The following PTPRM variants were observed in gnomAD, a reference collection of about 807,000 sequenced individuals.
PTPRM encodes the protein receptor-type tyrosine-protein phosphatase mu.
PTPRM carries 47 observed loss-of-function variants against 186.7 expected under a neutral mutation model. The ratio of observed to expected loss-of-function variants is 0.25; its 90% CI spans 0.20 to 0.32. The LOEUF (loss-of-function observed/expected upper bound fraction) is 0.32. Among genes scored for constraint, PTPRM ranks in the 10% least tolerant of loss-of-function variants. The probability of loss-of-function intolerance (pLI) is 1.00; values close to 1 mark genes in which losing one functional copy is unlikely to be tolerated. For missense variants in PTPRM, 1,494 were observed against 1,865.0 expected, an observed-to-expected ratio of 0.80 and a Z score of 3.66; for synonymous variants, 668 against 674.9, an observed-to-expected ratio of 0.99 and a Z score of 0.16.
chr18:7,804,991 C>A (rs2044161417), intron 2 of PTPRM, among the ~76,000 whole-genome samples: 1 of 152,184 alleles, frequency 6.6e-6, no homozygotes. Context: ...TTTAAGGGTA[C>A]AATTTCAGAT....
intron 9 of PTPRM, among the ~76,000 whole-genome samples, chr18:8,081,486 T>G (rs766171820): frequency 2.6e-4 from 40 of 152,238 alleles, no homozygotes; most frequent in Non-Finnish European, 4.8e-4. Flanking sequence ...TGTAGTTTGC[T>G]GCTGTACTGA....
intron 14 of PTPRM, among the ~76,000 whole-genome samples, chr18:8,242,131 G>C (rs1197598345): frequency 6.6e-6 from 1 of 152,052 alleles, no homozygotes; most frequent in Non-Finnish European, 1.5e-5. Flanking sequence ...AGCAAGAAAA[G>C]GCAAAGAGGA....
intron 7 of PTPRM, among the ~76,000 whole-genome samples, chr18:8,021,317 GACACACACAC>G (rs35335855): frequency 0.042 from 6,018 of 142,936 alleles, 304 homozygotes; most frequent in African/African-American, 0.13. Flanking sequence ...GCATAAAAGA[GACACACACAC>G]ACACACACAC....
chr18:8,322,483 G>C (rs2095351807), intron 22 of PTPRM, among the ~76,000 whole-genome samples: 1 of 152,154 alleles, frequency 6.6e-6, no homozygotes, highest in African/African-American at 2.4e-5. Context: ...CATCATGTCT[G>C]ACTGACCAGA....
intron 19 of PTPRM, among the ~76,000 whole-genome samples, chr18:8,254,366 A>G (rs73939413): frequency 0.03 from 4,598 of 152,344 alleles, 229 homozygotes; most frequent in African/African-American, 0.1. Context: ...AATTCAAAGA[A>G]GCATGCCATC....
chr18:8,110,303 G>A (rs1014708104), intron 11 of PTPRM, among the ~76,000 whole-genome samples: 8 of 152,198 alleles, frequency 5.3e-5, no homozygotes, highest in African/African-American at 1.7e-4. Flanking sequence ...AGCAGAGCAA[G>A]AGAACATGAA....
chr18:7,915,140 G>T (rs1289676888), intron 4 of PTPRM, among the ~76,000 whole-genome samples: 1 of 152,082 alleles, frequency 6.6e-6, no homozygotes. Context: ...AGGCTTATTT[G>T]AGATCAATTA....
intron 32 of PTPRM, chr18:8,403,235 C>T (rs1012907763): frequency 6.6e-6 from 1 of 152,166 alleles, no homozygotes; most frequent in African/African-American, 2.4e-5. Flanking sequence ...GAGTCCTTCA[C>T]AGACATTAAA....
chr18:8,048,683 C>T (rs907033329), intron 7 of PTPRM, among the ~76,000 whole-genome samples: 4 of 151,814 alleles, frequency 2.6e-5, no homozygotes, highest in East Asian at 3.9e-4. Flanking sequence ...AAACCATTTG[C>T]GTAGACTTGT....
intron 2 of PTPRM, among the ~76,000 whole-genome samples, chr18:7,834,264 C>T (rs1243171514): frequency 6.6e-6 from 1 of 151,686 alleles, no homozygotes; most frequent in Non-Finnish European, 1.5e-5. Context: ...CCTTGCATCC[C>T]ATGGATAAAG....
chr18:8,327,959 T>A (rs942263784), intron 22 of PTPRM, among the ~76,000 whole-genome samples: 4 of 152,168 alleles, frequency 2.6e-5, no homozygotes, highest in Non-Finnish European at 5.9e-5. Flanking sequence ...AGGAACAAAC[T>A]TTTATGTGAA....
intron 13 of PTPRM, among the ~76,000 whole-genome samples, chr18:8,138,024 G>A (rs1450139969): frequency 1.3e-5 from 2 of 152,118 alleles, no homozygotes; most frequent in African/African-American, 4.8e-5. Flanking sequence ...CTGCTAATTC[G>A]GAGGCTGTGG....
chr18:8,154,995 A>C (rs1309974800), intron 14 of PTPRM: 3 of 152,172 alleles, frequency 2.0e-5, no homozygotes, highest in African/African-American at 4.8e-5. Flanking sequence ...TAAAGATTTG[A>C]CATTTTGATG....
At chr18:7,796,533 G>T (rs1245606125) in intron 2 of PTPRM, among the ~76,000 whole-genome samples, 1 of 152,280 alleles carries the variant, frequency 6.6e-6, no homozygotes, top group Admixed American at 6.5e-5. Flanking sequence ...GGTCTGAGCA[G>T]GGTACAGCAG....
At chr18:8,093,701 T>C (rs2090874020) in intron 11 of PTPRM, among the ~76,000 whole-genome samples, 1 of 152,138 alleles carries the variant, frequency 6.6e-6, no homozygotes, top group South Asian at 2.1e-4. Context: ...TCCCTATTGA[T>C]CCCTGAATCA....
intron 1 of PTPRM, among the ~76,000 whole-genome samples, chr18:7,764,492 A>G (rs2041927599): frequency 6.6e-6 from 1 of 152,124 alleles, no homozygotes; most frequent in Non-Finnish European, 1.5e-5. Context: ...TTTTTTTAAA[A>G]CCACAGATTC....
intron 14 of PTPRM, among the ~76,000 whole-genome samples, chr18:8,172,226 G>A (rs115166129): frequency 0.023 from 3,470 of 150,412 alleles, 96 homozygotes; most frequent in African/African-American, 0.061. Context: ...CAAAGATACA[G>A]ATAAAGCACT....
intron 19 of PTPRM, chr18:8,270,409 A>AC (rs1212101342): frequency 3.3e-5 from 5 of 152,060 alleles, no homozygotes; most frequent in Admixed American, 6.6e-5. Flanking sequence ...TGACAAATCA[A>AC]CCTAAGTGTT....
At chr18:8,209,367 G>A (rs2093972151) in intron 14 of PTPRM, among the ~76,000 whole-genome samples, 1 of 152,080 alleles carries the variant, frequency 6.6e-6, no homozygotes, top group Admixed American at 6.5e-5. Context: ...GACCAACAGG[G>A]TTTGCTGATA....
Sources: allele counts gnomAD v4.1 joint callset (sites outside exome capture counted in the v4.1 genomes callset), GRCh38; gene constraint gnomAD v4.1.1; transcripts MANE v1.5; gene names NCBI Gene and HGNC (gene_info 2026-07-23, HGNC 2026-07-21).